ATIC: variants seen among roughly 807,000 people sequenced by gnomAD.
ATIC encodes the protein 5-aminoimidazole-4-carboxamide ribonucleotide formyltransferase/IMP cyclohydrolase, also known as bifunctional purine biosynthesis protein ATIC.
A neutral mutation model predicts 72.5 loss-of-function variants in ATIC; 64 were observed. That is an observed-to-expected ratio of 0.88 (90% CI 0.72 to 1.09). The LOEUF (loss-of-function observed/expected upper bound fraction) is 1.09, where lower values mean the gene tolerates loss of function less well. ATIC is among the 50% of genes least tolerant of loss of function. The pLI, the probability that ATIC is intolerant of heterozygous loss-of-function variation, is 0.00. For missense variants in ATIC, 787 were observed against 732.4 expected (o/e 1.07, Z -0.86); for synonymous variants, 281 against 267.1 (o/e 1.05, Z -0.51).
At chr2:215,342,009 G>T (rs139165537) in intron 12 of ATIC, among the ~76,000 whole-genome samples, 1 of 151,264 alleles carries the variant, frequency 6.6e-6, no homozygotes, top group African/African-American at 2.5e-5. Flanking sequence ...AATGCCAGAC[G>T]CTTACTGTCA....
chr2:215,332,263 G>T, intron 7 of ATIC, 119 bp from the exon 8 acceptor site: 2 of 1,391,708 alleles, frequency 1.4e-6, no homozygotes, highest in South Asian at 1.2e-5. Flanking sequence ...GTGTGTATCT[G>T]TTTGGCTCTT....
At chr2:215,326,426 G>A (rs142640237) in intron 6 of ATIC, among the ~76,000 whole-genome samples, 2,251 of 152,178 alleles carry the variant, frequency 0.015, 52 homozygotes, top group African/African-American at 0.051. Flanking sequence ...CCAATGTGGT[G>A]AAACCCTGTC....
At chr2:215,354,695 A>C (rs1488734104), downstream of ATIC, among the ~76,000 whole-genome samples, 1 of 149,378 alleles carries the variant, frequency 6.7e-6, no homozygotes, top group East Asian at 2.0e-4. Flanking sequence ...TTTCCCTTCA[A>C]ATATTTCTGG....
At chr2:215,321,556 C>T (rs537901035) in intron 4 of ATIC, among the ~76,000 whole-genome samples, 10 of 152,288 alleles carry the variant, frequency 6.6e-5, no homozygotes, top group South Asian at 2.1e-4. Context: ...AACTGCGACC[C>T]TGTATTTCAG....
the ATIC span, among the ~76,000 whole-genome samples, chr2:215,368,297 T>C: frequency 4.4e-4 from 67 of 152,182 alleles, no homozygotes; most frequent in Admixed American, 8.5e-4. Context: ...AACTACTTCA[T>C]AGAACATGGA....
At chr2:215,341,934 TATA>T (rs1461782968) in intron 12 of ATIC, among the ~76,000 whole-genome samples, 2 of 152,160 alleles carry the variant, frequency 1.3e-5, no homozygotes, top group Non-Finnish European at 2.9e-5. Flanking sequence ...TCAGGAATCT[TATA>T]ATCATGGCAG....
the ATIC span, among the ~76,000 whole-genome samples, chr2:215,365,966 A>ATTTTTT: frequency 2.4e-3 from 212 of 90,036 alleles, no homozygotes; most frequent in East Asian, 9.3e-3. Context: ...CCACAGTGCT[A>ATTTTTT]TTTTTTTTTT....
chr2:215,337,614 G>A (rs1274813191), intron 11 of ATIC, among the ~76,000 whole-genome samples: 2 of 152,262 alleles, frequency 1.3e-5, no homozygotes, highest in East Asian at 1.9e-4. Flanking sequence ...GGATCTGCCC[G>A]CCTCGGCCTC....
At position 215,338,828 on chromosome 2, in the gene ATIC, G is replaced by A; in HGVS notation, c.1148G>A (p.Gly383Asp). The change falls in exon 12 of 16, where the codon GGT (glycine) becomes GAT (aspartate). Residue 383 changes from glycine to aspartate, a missense_variant. Physicochemically the swap from Gly to Asp is moderately conservative, Grantham distance 94 (BLOSUM62 -1). Transcript: ENST00000236959. The stretch of plus-strand genomic sequence containing the variant: ...GAAAATGAAGTTCGAACTCTCTTTG[G>A]TCTTCATTTAAGCCAGAAGAGAAAT... ...PDENEVRTLF[G>D]LHLSQKRNNG... 4 of 1,613,758 alleles carry A rather than the reference G, an allele frequency of 2.5e-6. No individual in the cohort carries two copies. Among genetic ancestry groups the A allele is most frequent in the Non-Finnish European group, 3.4e-6 (4 of 1,179,844 alleles).
intron 4 of ATIC, 55 bp downstream of exon 4, chr2:215,319,786 G>T: frequency 7.3e-7 from 1 of 1,367,486 alleles, no homozygotes; most frequent in Non-Finnish European, 1.0e-6. Context: ...CAAAGACTAT[G>T]CCAAACCTGG....
intron 4 of ATIC, among the ~76,000 whole-genome samples, chr2:215,321,010 A>G (rs563909618): frequency 8.5e-5 from 13 of 152,284 alleles, no homozygotes; most frequent in South Asian, 2.1e-4. Context: ...CACCTCCAAC[A>G]TTGGGGATCA....
chr2:215,334,863 CT>C (rs1314867303), intron 9 of ATIC, 55 bp from the exon 10 acceptor site: 6 of 1,412,304 alleles, frequency 4.2e-6, no homozygotes, highest in Non-Finnish European at 4.0e-6. Flanking sequence ...AATTTTATTA[CT>C]TTTTCTGTAT....
chr2:215,335,917 G>A, intron 10 of ATIC, 118 bp from the exon 11 acceptor site: 1 of 769,424 alleles, frequency 1.3e-6, no homozygotes, highest in Non-Finnish European at 2.2e-6. Flanking sequence ...ATTGTTTGTT[G>A]GAGGCAGAAA....
At chr2:215,318,017 G>A in intron 2 of ATIC, 140 bp from the exon 3 acceptor site, 1 of 748,212 alleles carries the variant, frequency 1.3e-6, no homozygotes, top group East Asian at 2.7e-5. Flanking sequence ...ATAAAATATA[G>A]TGAAATACTT....
the ATIC span, chr2:215,361,471 C>CT: frequency 1.0e-6 from 1 of 994,422 alleles, no homozygotes; most frequent in African/African-American, 1.6e-5. Flanking sequence ...AAGAAGAACT[C>CT]TAAGCTGGGT....
chr2:215,360,050 T>C, the ATIC span, among the ~76,000 whole-genome samples: 1 of 152,194 alleles, frequency 6.6e-6, no homozygotes. Flanking sequence ...GCCATTCTCC[T>C]ACCTCAGCCT....
At chr2:215,355,317 G>C in the ATIC span, among the ~76,000 whole-genome samples, 1 of 152,142 alleles carries the variant, frequency 6.6e-6, no homozygotes, top group Non-Finnish European at 1.5e-5. Context: ...AGTTTCACTG[G>C]TGTTTAAGTG....
intron 13 of ATIC, among the ~76,000 whole-genome samples, chr2:215,346,343 T>A (rs920837041): frequency 2.1e-4 from 32 of 152,120 alleles, no homozygotes; most frequent in Admixed American, 2.0e-3. Flanking sequence ...TAATTCTTAT[T>A]TTTTGTAGAG....
intron 14 of ATIC, 185 bp downstream of exon 14, chr2:215,347,126 T>C: frequency 1.2e-6 from 1 of 825,476 alleles, no homozygotes; most frequent in Non-Finnish European, 1.9e-6. Context: ...TGTAACTTTC[T>C]TCATTGTTTT....
Sources: allele counts gnomAD v4.1 joint callset (sites outside exome capture counted in the v4.1 genomes callset), GRCh38; gene constraint gnomAD v4.1.1; transcripts MANE v1.5; gene names NCBI Gene and HGNC (gene_info 2026-07-23, HGNC 2026-07-21).